The following ACOXL variants were observed in gnomAD, a reference collection of about 807,000 sequenced individuals.
ACOXL encodes acyl-CoA oxidase like.
Under a neutral mutation model 71.9 loss-of-function variants are expected in ACOXL, and 70 were observed. The ratio of observed to expected loss-of-function variants is 0.97; its 90% CI spans 0.80 to 1.19. ACOXL has a LOEUF of 1.19. ACOXL is among the 50% of genes most tolerant of loss of function. The pLI is 0.00. For synonymous variants in ACOXL, 253 were observed against 281.6 expected (o/e 0.90, Z 1.02); for missense variants, 703 against 736.3 (o/e 0.95, Z 0.52).
chr2:111,005,570 C>T (rs908943394), intron 14 of ACOXL, among the ~76,000 whole-genome samples: 3 of 152,194 alleles, frequency 2.0e-5, no homozygotes, highest in African/African-American at 4.8e-5. Context: ...CATAATAAAC[C>T]GCAGTACTTT....
At chr2:111,093,646 C>T in intron 17 of ACOXL, 1 of 1,081,742 alleles carries the variant, frequency 9.2e-7, no homozygotes, top group East Asian at 2.7e-5. Flanking sequence ...GGGCAGATCT[C>T]CTGAGCTCAG....
chr2:110,882,736 A>G (rs778116218), intron 10 of ACOXL, among the ~76,000 whole-genome samples: 38 of 152,234 alleles, frequency 2.5e-4, no homozygotes, highest in Non-Finnish European at 4.6e-4. Context: ...AAAGACCATC[A>G]TTCCTCCATG....
intron 10 of ACOXL, among the ~76,000 whole-genome samples, chr2:110,877,382 G>A (rs991252831): frequency 6.6e-6 from 1 of 152,222 alleles, no homozygotes. Context: ...CCAAGCTTCT[G>A]CTGCGGCCCG....
At position 110,829,652 on chromosome 2, in the gene ACOXL, CCAG is replaced by C. The variant is rs532490542; in HGVS notation, c.754-11718_754-11716del. Among the ~76,000 whole-genome samples the C allele has an allele frequency of 2.1e-3, 313 of 152,266 alleles. 2 individuals carry two copies. Among genetic ancestry groups the C allele is most frequent in the African/African-American group, 7.4e-3 (309 of 41,554 alleles). ...GGTACTCTTGTCTAGTTGTGCCCTGCCAGAAGCCTGGTCTGAGGCAGGGGAAGA... is the reference window on the plus strand; with the variant it reads ...GGTACTCTTGTCTAGTTGTGCCCTGCAAGCCTGGTCTGAGGCAGGGGAAGA... On this transcript the variant is annotated intron_variant, in intron 9 of 17. Coordinates refer to ENST00000439055, the MANE Select transcript of ACOXL (RefSeq NM_001142807.4).
intron 12 of ACOXL, among the ~76,000 whole-genome samples, chr2:110,971,119 C>A (rs2062165682): frequency 6.6e-6 from 1 of 152,102 alleles, no homozygotes; most frequent in African/African-American, 2.4e-5. Context: ...CAAAACTCAA[C>A]AGTGACAAAC....
At chr2:110,990,501 C>A (rs986070614) in intron 13 of ACOXL, among the ~76,000 whole-genome samples, 1 of 151,756 alleles carries the variant, frequency 6.6e-6, no homozygotes, top group African/African-American at 2.4e-5. Flanking sequence ...TTATTTTATT[C>A]TTTTCATGTC....
chr2:111,098,092 T>G (rs2068908777), intron 17 of ACOXL, among the ~76,000 whole-genome samples: 1 of 152,236 alleles, frequency 6.6e-6, no homozygotes, highest in South Asian at 2.1e-4. Flanking sequence ...GTTGATAGCA[T>G]GTACTCTGTG....
In ACOXL at chr2:110,863,252, C is replaced by T. The variant is rs375984387; in HGVS notation, c.788+21847C>T. Reference sequence around the variant, plus strand: ...TTCTTATGATGGAATATTATATAACCATGAAAGTATTGCTCATGTAGAGTT... The same window carrying T: ...TTCTTATGATGGAATATTATATAACTATGAAAGTATTGCTCATGTAGAGTT... On this transcript the variant is annotated intron_variant, in intron 10 of 17. Transcript: ENST00000439055. 1.6e-4 allele frequency among the ~76,000 whole-genome samples: 24 copies of T among 152,214 alleles called. No individual in the cohort carries two copies. In the East Asian group the frequency reaches 4.4e-3, roughly 28 times the overall value.
chr2:111,048,176 G>A (rs1048923248), intron 15 of ACOXL, among the ~76,000 whole-genome samples: 10 of 152,300 alleles, frequency 6.6e-5, no homozygotes, highest in Admixed American at 4.6e-4. Flanking sequence ...TGGGATCTGC[G>A]GGAGTTGGGA....
chr2:110,915,637 A>G lies in ACOXL; in HGVS notation c.905+6732A>G, dbSNP rs548545952. ...GAGATGGGTTTTCACCATGCTGGCC[A>G]GGCTGGTCTCAAACTCCTGACCTCA... On this transcript the variant is annotated intron_variant, in intron 11 of 17. Coordinates refer to ENST00000439055, the MANE Select transcript of ACOXL (RefSeq NM_001142807.4). Among the ~76,000 whole-genome samples, 300 of 151,738 alleles carry G rather than the reference A, an allele frequency of 2.0e-3. 2 individuals are homozygous for G. The highest frequency in any genetic ancestry group is 7.1e-3 in the African/African-American group (294 of 41,384).
chr2:111,003,538 G>A (rs1391843790), intron 14 of ACOXL, among the ~76,000 whole-genome samples: 9 of 82,300 alleles, frequency 1.1e-4, no homozygotes, highest in African/African-American at 2.1e-4. Flanking sequence ...GCGACAGGGC[G>A]AGACTCTGTC....
chr2:110,948,573 G>T (rs943213847), intron 12 of ACOXL, among the ~76,000 whole-genome samples: 1 of 151,930 alleles, frequency 6.6e-6, no homozygotes, highest in South Asian at 2.1e-4. Flanking sequence ...GAAGGAGCCT[G>T]TGGCCTCTGT....
In ACOXL at chr2:111,036,844, C is replaced by T. The variant is rs565250714; in HGVS notation, c.1369+5130C>T. ...ACGAAGCTTGTGGCCAATTGGAAGT[C>T]GGAGGGAGGCGCCTGGTGAAATGGA... On this transcript the variant is annotated intron_variant, in intron 15 of 17. Transcript: ENST00000439055. 1.3e-5 allele frequency: 2 copies of T among 152,114 alleles called. 1 individual carries two copies. The highest frequency in any genetic ancestry group is 4.2e-4 in the South Asian group (2 of 4,798). 9.4% of individuals were successfully genotyped at this position (152,114 alleles called of 1,614,324 possible).
intron 10 of ACOXL, among the ~76,000 whole-genome samples, chr2:110,864,788 A>G (rs781501036): frequency 3.3e-5 from 5 of 152,224 alleles, no homozygotes; most frequent in Non-Finnish European, 7.3e-5. Flanking sequence ...TGCCTTGTGA[A>G]TAATCCAGCT....
At chr2:110,835,077 C>T (rs979540500) in intron 9 of ACOXL, among the ~76,000 whole-genome samples, 1 of 152,176 alleles carries the variant, frequency 6.6e-6, no homozygotes, top group African/African-American at 2.4e-5. Context: ...CAAGCACCGC[C>T]TAGGTTTCAA....
rs938184878 is a variant in ACOXL at position 111,001,236 on chromosome 2, G to A, written c.1281+5232G>A. On this transcript the variant is annotated intron_variant, in intron 14 of 17. Coordinates refer to ENST00000439055, the MANE Select transcript of ACOXL (RefSeq NM_001142807.4). ...TTTGTGGGTGTGGCTTTTGTCTAAT[G>A]GAATAAACCTCCCCAAAGATTCACA... 2.6e-5 allele frequency among the ~76,000 whole-genome samples: 4 copies of A among 152,070 alleles called. No homozygotes were observed. In the South Asian group the frequency reaches 8.3e-4, roughly 32 times the overall value.
At chr2:110,781,755 T>C (rs1683368797) in intron 2 of ACOXL, among the ~76,000 whole-genome samples, 1 of 152,172 alleles carries the variant, frequency 6.6e-6, no homozygotes, top group Non-Finnish European at 1.5e-5. Flanking sequence ...AGAGTCTTGC[T>C]TAGAGCTGGC....
intron 14 of ACOXL, among the ~76,000 whole-genome samples, chr2:111,023,965 T>C (rs984255888): frequency 1.3e-5 from 2 of 152,176 alleles, no homozygotes; most frequent in Admixed American, 1.3e-4. Context: ...CCCAGTGTTT[T>C]GCTAGTGCTG....
intron 14 of ACOXL, among the ~76,000 whole-genome samples, 199 bp from the exon 15 acceptor site, chr2:111,031,428 G>A (rs548117239): frequency 1.3e-5 from 2 of 152,262 alleles, no homozygotes; most frequent in African/African-American, 4.8e-5. Flanking sequence ...CATGGAAACA[G>A]GGCTTCTCTA....
Sources: allele counts gnomAD v4.1 joint callset (sites outside exome capture counted in the v4.1 genomes callset), GRCh38; gene constraint gnomAD v4.1.1; transcripts MANE v1.5; gene names NCBI Gene and HGNC (gene_info 2026-07-23, HGNC 2026-07-21).